Variants in LRRC37B observed in about 807,000 individuals in gnomAD.
LRRC37B encodes leucine-rich repeat-containing protein 37B.
LRRC37B carries 28 observed loss-of-function variants against 98.3 expected under a neutral mutation model. The observed-to-expected ratio is 0.28, with a 90% CI of 0.21 to 0.39. The LOEUF is 0.39. LRRC37B is among the 10% of genes least tolerant of loss of function. The pLI, the probability that LRRC37B is intolerant of heterozygous loss-of-function variation, is 1.00. For synonymous variants in LRRC37B, 364 were observed against 442.7 expected, an observed-to-expected ratio of 0.82 and a Z score of 2.23; for missense variants, 938 against 1,182.7, an observed-to-expected ratio of 0.79 and a Z score of 3.03.
At chr17:32,017,504 G>A (rs1357051003), upstream of LRRC37B, among the ~76,000 whole-genome samples, 3 of 152,068 alleles carry the variant, frequency 2.0e-5, no homozygotes, top group East Asian at 3.8e-4. Flanking sequence ...TCATACATAC[G>A]TTAAAAACTG....
In LRRC37B at chr17:32,008,022, AG is replaced by A; in HGVS notation, c.-299del. The A allele has an allele frequency of 1.9e-6, 1 of 519,834 alleles. No individual in the cohort carries two copies. Among genetic ancestry groups the A allele is most frequent in the Non-Finnish European group, 3.7e-6 (1 of 272,650 alleles). 32.2% of individuals were successfully genotyped at this position (519,834 alleles called of 1,614,324 possible). ...GAGACCCAGGAGTCTGAGGACAACT[AG>A]GAGGATGACATGGAGGAGGACGACG... On this transcript the variant is annotated 5_prime_UTR_variant, in exon 1 of 15. An upstream open reading frame in the 5' UTR gains an earlier in-frame stop. Transcript: ENST00000543378.
rs569618965 is a variant in LRRC37B, at chr17:32,021,140, G to A, written c.75G>A (p.Ala25=). 17 of 1,614,106 alleles carry A rather than the reference G, an allele frequency of 1.1e-5. No homozygotes were observed. The Admixed American group carries it at 1.3e-4, about 13-fold the overall frequency. ...CTTTTGCTGAGTGCATAGCACCAGC[G>A]TGTGTCATGTCTTGGCTGCGTTTCT... Residue 25 remains alanine (A), a synonymous_variant, in exon 1 of 12, where the codon GCG becomes GCA. Transcript: ENST00000327564.
chr17:32,015,631 G>A (rs1910632567), intron 1 of LRRC37B, among the ~76,000 whole-genome samples: 2 of 152,188 alleles, frequency 1.3e-5, no homozygotes, highest in Admixed American at 1.3e-4. Flanking sequence ...TACAATAAAT[G>A]TATGGGTCAA....
chr17:32,049,943 T>TTC, intron 10 of LRRC37B, 60 bp from the exon 14 acceptor site: 1 of 1,043,446 alleles, frequency 9.6e-7, no homozygotes. Context: ...TTAGCTTCCA[T>TTC]TCTCTCTCTC....
At position 32,052,171 on chromosome 17, in the gene LRRC37B, C is replaced by T. The variant is rs1335394075; in HGVS notation, c.2863-1095C>T. The T allele has an allele frequency of 8.6e-5, 13 of 151,792 alleles. No individual in the cohort carries two copies. The East Asian group carries it at 2.1e-3, about 25-fold the overall frequency. The allele number at this position is 151,792 out of a possible 1,614,324, so 9.4% of individuals were successfully genotyped here. A position where few individuals can be genotyped will look rare whatever the true frequency, so the allele number is the denominator to read the frequency against. On this transcript the variant is annotated intron_variant, in intron 11 of 11. Coordinates refer to ENST00000327564, the Ensembl canonical transcript of LRRC37B. ...TTTGTCTCTTCCTTTTCAATACTTA[C>T]ACTCTTTCCTTCCTTTCCTTTCTTT...
At chr17:32,020,327 T>C (rs1463993492), upstream of LRRC37B, among the ~76,000 whole-genome samples, 3 of 152,182 alleles carry the variant, frequency 2.0e-5, no homozygotes, top group Admixed American at 1.3e-4. Context: ...TGATTTAACA[T>C]GCTGACTTTA....
chr17:32,052,583 G>A (rs1483236187), intron 11 of LRRC37B: 2 of 152,078 alleles, frequency 1.3e-5, no homozygotes, highest in African/African-American at 4.8e-5. Context: ...ACTAGATAAG[G>A]CTGAATATTT....
intron 7 of LRRC37B, among the ~76,000 whole-genome samples, chr17:32,039,421 G>T (rs1598210533): frequency 2.8e-5 from 4 of 141,040 alleles, no homozygotes; most frequent in African/African-American, 1.1e-4. Flanking sequence ...AGGTTGCAGT[G>T]AGCCAAGATG....
At chr17:32,027,542 T>C (rs1258082938) in intron 2 of LRRC37B, among the ~76,000 whole-genome samples, 4 of 151,220 alleles carry the variant, frequency 2.6e-5, no homozygotes, top group East Asian at 1.9e-4. Flanking sequence ...TGTGTGTGTG[T>C]GCCTGCAAAT....
At chr17:32,010,773 A>G (rs1910507102) in intron 1 of LRRC37B, among the ~76,000 whole-genome samples, 1 of 152,172 alleles carries the variant, frequency 6.6e-6, no homozygotes, top group East Asian at 1.9e-4. Flanking sequence ...CCCATCAATC[A>G]ACTTGTCTTC....
chr17:32,040,997 C>T lies in LRRC37B; in HGVS notation c.2205-4703C>T, dbSNP rs892172957. Reference sequence around the variant, plus strand: ...GTCAGGCGCTGGAGAAGTTTGAGGACTCCAAGGAGGTAGCAGAAACCAGCA... The same window carrying T: ...GTCAGGCGCTGGAGAAGTTTGAGGATTCCAAGGAGGTAGCAGAAACCAGCA... On this transcript the variant is annotated intron_variant, in intron 7 of 11. Coordinates refer to ENST00000327564, the Ensembl canonical transcript of LRRC37B. 3 of 805,770 alleles carry T rather than the reference C, an allele frequency of 3.7e-6. No homozygotes were observed. The African/African-American group carries it at 5.0e-5, about 14-fold the overall frequency. The allele number at this position is 805,770 out of a possible 1,614,324, so 49.9% of individuals were successfully genotyped here.
In LRRC37B at chr17:32,049,853, G is replaced by A. The variant is rs549347917; in HGVS notation, c.2758-150G>A. ...ACTGTACTCCCGCCTGGGTGACAGA[G>A]TGAGATCCTGTCTCAAAAAAAATAA... On this transcript the variant is annotated intron_variant, in intron 10 of 11. Transcript: ENST00000327564. The A allele has an allele frequency of 3.2e-4, 179 of 554,870 alleles. 1 individual carries two copies. The East Asian group carries it at 4.4e-3, about 14-fold the overall frequency. The allele number at this position is 554,870 out of a possible 1,614,324, so 34.4% of individuals were successfully genotyped here. A position where few individuals can be genotyped will look rare whatever the true frequency, so the allele number is the denominator to read the frequency against.
chr17:32,021,389 G>T lies in LRRC37B; in HGVS notation c.324G>T (p.Ser108=). 6.2e-7 allele frequency: 1 copy of T among 1,613,806 alleles called. No homozygotes were observed. Among genetic ancestry groups the T allele is most frequent in the Non-Finnish European group, 8.5e-7 (1 of 1,179,860 alleles). ...ATTACCTGGGGCCCTCTGCTTCTTC[G>T]CAGATGTCAGCCCTGCCTCAGGAAC... The change falls in exon 1 of 12, where the codon TCG becomes TCT. Residue 108 remains serine (S), a synonymous_variant. Transcript: ENST00000327564.
At chr17:32,039,522 AT>A (rs1352939582) in intron 7 of LRRC37B, among the ~76,000 whole-genome samples, 1 of 10,944 alleles carries the variant, frequency 9.1e-5, no homozygotes, top group African/African-American at 3.8e-4. Context: ...ATATATATAT[AT>A]GTATGTATTT....
chr17:32,035,300 T>C (rs1010217039), intron 6 of LRRC37B, among the ~76,000 whole-genome samples: 2 of 151,784 alleles, frequency 1.3e-5, no homozygotes, highest in Admixed American at 1.3e-4. Context: ...TAAATCAAGA[T>C]GGGTGAATGC....
At chr17:32,014,332 G>A (rs184500466) in intron 1 of LRRC37B, among the ~76,000 whole-genome samples, 3 of 152,108 alleles carry the variant, frequency 2.0e-5, no homozygotes, top group East Asian at 1.9e-4. Context: ...GCCTTTCAGC[G>A]ATTCAAGTAA....
chr17:32,053,045 A>G (rs1267698097), intron 11 of LRRC37B: 2 of 522,784 alleles, frequency 3.8e-6, no homozygotes, highest in African/African-American at 4.0e-5. Context: ...AGATTCTGGT[A>G]TGGTGTGGGG....
At chr17:32,020,891 G>A (rs1033452729), upstream of LRRC37B, 39 of 935,596 alleles carry the variant, frequency 4.2e-5, no homozygotes, top group Middle Eastern at 9.4e-4. Flanking sequence ...GGACCACCCC[G>A]GTCTGCGGCC....
At chr17:32,029,150 C>T (rs922534291) in intron 3 of LRRC37B, among the ~76,000 whole-genome samples, 1 of 151,930 alleles carries the variant, frequency 6.6e-6, no homozygotes, top group African/African-American at 2.4e-5. Context: ...TACAGGCACA[C>T]GCCGCCATGC....
Sources: gnomAD v4.1 joint callset for allele counts (sites outside exome capture counted in the v4.1 genomes callset) on GRCh38, gnomAD v4.1.1 for gene constraint, MANE v1.5 for transcripts, NCBI Gene and HGNC (gene_info 2026-07-23, HGNC 2026-07-21) for gene names.